XRRA1: variants seen among roughly 807,000 people sequenced by gnomAD.
The protein encoded by XRRA1 is X-ray radiation resistance associated 1.
Under a neutral mutation model 80.2 loss-of-function variants are expected in XRRA1, and 69 were observed. The observed-to-expected ratio is 0.86, with a 90% confidence interval of 0.71 to 1.05. The LOEUF (loss-of-function observed/expected upper bound fraction) is 1.05, where lower values mean the gene tolerates loss of function less well. Among genes scored for constraint, XRRA1 ranks in the 50% least tolerant of loss-of-function variants. The pLI is 0.00. For synonymous variants in XRRA1, 348 were observed against 389.9 expected, an observed-to-expected ratio of 0.89 and a Z score of 1.27; for missense variants, 967 against 976.4, an observed-to-expected ratio of 0.99 and a Z score of 0.13.
At chr11:74,862,851 A>T in intron 11 of XRRA1, 130 bp downstream of exon 11, 2 of 813,956 alleles carry the variant, frequency 2.5e-6, no homozygotes, top group Non-Finnish European at 3.9e-6. Context: ...GCAACTACCT[A>T]TTCAATGAAT....
At chr11:74,895,081 G>A (rs2051921408) in intron 10 of XRRA1, among the ~76,000 whole-genome samples, 1 of 152,186 alleles carries the variant, frequency 6.6e-6, no homozygotes, top group Admixed American at 6.5e-5. Context: ...ACACTGAATA[G>A]CACTATCACA....
At chr11:74,917,827 T>TCCA (rs1939221997) in intron 8 of XRRA1, among the ~76,000 whole-genome samples, 1 of 152,172 alleles carries the variant, frequency 6.6e-6, no homozygotes, top group South Asian at 2.1e-4. Context: ...CAATCATGGT[T>TCCA]CCACTGAACT....
intron 1 of XRRA1, 130 bp from the exon 2 acceptor site, chr11:74,945,215 A>C (rs764808123): frequency 1.3e-5 from 2 of 152,448 alleles, no homozygotes; most frequent in Non-Finnish European, 2.9e-5. Flanking sequence ...CCGTAGGACT[A>C]AGGATCCAAG....
rs759530967 is a variant in XRRA1, at chr11:74,844,185, C to T, written c.2026G>A (p.Val676Ile). Reference protein sequence around the residue: ...PKLDTLQKPYVHKEKRAQRIP... With the variant: ...PKLDTLQKPYIHKEKRAQRIP... ...ATGTTTACCCGTTTCTCTTTGTGAA[C>T]ATAGGGTTTCTGAAGAGTGTCCAGC... The change falls in exon 17 of 19, where the codon GTT becomes ATT. Residue 676 changes from valine (V) to isoleucine (I), a missense_variant. Transcript: ENST00000684022. The T allele has an allele frequency of 1.2e-6, 2 of 1,613,896 alleles. No individual in the cohort carries two copies. Among genetic ancestry groups the T allele is most frequent in the South Asian group, 2.2e-5 (2 of 91,074 alleles).
chr11:74,877,231 G>A, intron 10 of XRRA1, among the ~76,000 whole-genome samples: 1 of 152,092 alleles, frequency 6.6e-6, no homozygotes. Flanking sequence ...CACATCACAA[G>A]TCATAAAAGA....
chr11:74,872,204 C>T (rs1211627288), intron 10 of XRRA1, among the ~76,000 whole-genome samples: 2 of 152,138 alleles, frequency 1.3e-5, no homozygotes, highest in Non-Finnish European at 2.9e-5. Context: ...CCAAGATAAA[C>T]CAAAAGCCAG....
chr11:74,869,314 T>C (rs576013552), intron 10 of XRRA1, among the ~76,000 whole-genome samples: 1 of 152,222 alleles, frequency 6.6e-6, no homozygotes, highest in South Asian at 2.1e-4. Context: ...AGAGGCAACA[T>C]ACTGATACAG....
Position 74,940,829 on chromosome 11 carries a change from T to G in XRRA1, c.50A>C (p.Asn17Thr). 6.2e-7 allele frequency: 1 copy of G among 1,609,732 alleles called. No homozygotes were observed. Among genetic ancestry groups the G allele is most frequent in the South Asian group, 1.1e-5 (1 of 89,712 alleles). ...YKLDDGKPYL[N>T]NCFPARNLLR... ...CAGATTTCTGGCTGGGAAGCAGTTG[T>G]TCAGGTAAGGCTTCCCATCATCCAG... The change falls in exon 3 of 19, where the codon AAC becomes ACC. Residue 17 changes from asparagine to threonine, a missense_variant. Coordinates refer to ENST00000684022, the MANE Select transcript of XRRA1 (RefSeq NM_001378157.1).
At chr11:74,856,868 T>A in intron 12 of XRRA1, among the ~76,000 whole-genome samples, 1 of 152,038 alleles carries the variant, frequency 6.6e-6, no homozygotes, top group South Asian at 2.1e-4. Flanking sequence ...GGGCACTGCA[T>A]CTTGGGTAGG....
At chr11:74,888,456 C>A (rs545256223) in intron 10 of XRRA1, among the ~76,000 whole-genome samples, 43 of 152,258 alleles carry the variant, frequency 2.8e-4, no homozygotes, top group African/African-American at 9.6e-4. Flanking sequence ...GATAAAACCA[C>A]AAAGATGGGG....
At chr11:74,843,589 T>C in intron 18 of XRRA1, 136 bp from the exon 19 acceptor site, 1 of 1,281,298 alleles carries the variant, frequency 7.8e-7, no homozygotes, top group Non-Finnish European at 1.1e-6. Context: ...AAAAATGGCC[T>C]TTCCAGCTTG....
At chr11:74,889,385 A>T (rs1042144824) in intron 10 of XRRA1, among the ~76,000 whole-genome samples, 3 of 149,986 alleles carry the variant, frequency 2.0e-5, no homozygotes, top group Non-Finnish European at 4.5e-5. Context: ...GGCCTGCCTA[A>T]AAGAGCTCCT....
chr11:74,928,472 A>G (rs1402483383), intron 6 of XRRA1, among the ~76,000 whole-genome samples: 1 of 152,182 alleles, frequency 6.6e-6, no homozygotes, highest in Non-Finnish European at 1.5e-5. Context: ...GAGATTTCTA[A>G]GCCAGGGTGG....
At chr11:74,888,132 G>A (rs1429899097) in intron 10 of XRRA1, among the ~76,000 whole-genome samples, 1 of 152,164 alleles carries the variant, frequency 6.6e-6, no homozygotes, top group Non-Finnish European at 1.5e-5. Context: ...TCCTCAAGTG[G>A]GTCCCTGACC....
intron 8 of XRRA1, among the ~76,000 whole-genome samples, chr11:74,908,089 T>G (rs2055038812): frequency 6.6e-6 from 1 of 152,118 alleles, no homozygotes; most frequent in Non-Finnish European, 1.5e-5. Context: ...ATAGTACACA[T>G]AGGCACAAAT....
Position 74,871,914 on chromosome 11 carries a change from C to T in XRRA1, c.1004-8893G>A, listed in dbSNP as rs550515593. ...TGCTGCTCCTAAGCCAAACCCTAAC[C>T]GCAGCTGAAAAGCAGGCAGCTCTGC... On this transcript the variant is annotated intron_variant, in intron 10 of 18. Transcript: ENST00000684022. Among the ~76,000 whole-genome samples the T allele has an allele frequency of 5.3e-5, 8 of 152,310 alleles. No individual in the cohort carries two copies. The East Asian group carries it at 7.7e-4, about 15-fold the overall frequency.
chr11:74,889,054 C>T (rs577264028), intron 10 of XRRA1, among the ~76,000 whole-genome samples: 5 of 152,182 alleles, frequency 3.3e-5, no homozygotes, highest in South Asian at 4.1e-4. Context: ...ATACACAGAA[C>T]GCCACAAAGA....
At chr11:74,879,657 G>GATT (rs1491281771) in intron 10 of XRRA1, among the ~76,000 whole-genome samples, 3 of 152,020 alleles carry the variant, frequency 2.0e-5, no homozygotes, top group African/African-American at 7.3e-5. Flanking sequence ...CTAATTTACT[G>GATT]AGAGTTTTTA....
chr11:74,903,793 CAGAA>C (rs1321339060), intron 10 of XRRA1, among the ~76,000 whole-genome samples: 5 of 152,092 alleles, frequency 3.3e-5, no homozygotes, highest in African/African-American at 7.2e-5. Context: ...AATCAAGTAA[CAGAA>C]AGAGCTCAAG....
Sources: allele counts gnomAD v4.1 joint callset (sites outside exome capture counted in the v4.1 genomes callset), GRCh38; gene constraint gnomAD v4.1.1; transcripts MANE v1.5; gene names NCBI Gene and HGNC (gene_info 2026-07-23, HGNC 2026-07-21).